The following MC2R variants were observed in gnomAD, a reference collection of about 807,000 sequenced individuals.
MC2R encodes the protein melanocortin 2 receptor, also known as adrenocorticotropic hormone receptor.
MC2R carries 9 observed loss-of-function variants against 9.8 expected under a neutral mutation model. That is an observed-to-expected ratio of 0.92 (90% CI 0.55 to 1.60). MC2R has a LOEUF of 1.60. Among genes scored for constraint, MC2R ranks in the 40% most tolerant of loss-of-function variants. The pLI is 0.00. For synonymous variants in MC2R, 185 were observed against 154.7 expected (o/e 1.20, Z -1.45); for missense variants, 370 against 389.0 (o/e 0.95, Z 0.41).
intron 1 of MC2R, among the ~76,000 whole-genome samples, chr18:13,894,408 G>T (rs756811248): frequency 1.3e-5 from 2 of 152,146 alleles, no homozygotes; most frequent in Non-Finnish European, 2.9e-5. Context: ...TCCAGAAGCA[G>T]CATCAAAGAG....
chr18:13,888,016 T>A (rs2045288277), intron 1 of MC2R, among the ~76,000 whole-genome samples: 1 of 152,212 alleles, frequency 6.6e-6, no homozygotes, highest in African/African-American at 2.4e-5. Context: ...GTATGGAGAC[T>A]CTGCTGGGAC....
chr18:13,885,062 CCGT>C lies in MC2R; in HGVS notation c.454_456del (p.Thr152del). The C allele has an allele frequency of 6.2e-7, 1 of 1,614,146 alleles. No individual in the cohort carries two copies. The highest frequency in any genetic ancestry group is 8.5e-7 in the Non-Finnish European group (1 of 1,180,028). ...GTCCCCGTGCAGAACGTCCAGATGA[CCGT>C]AAGCACCACCACAGTGCGGCGCATG... On this transcript the variant is annotated inframe_deletion, in exon 2 of 2. Transcript: ENST00000327606.
intron 1 of MC2R, among the ~76,000 whole-genome samples, chr18:13,889,702 A>G (rs371922517): frequency 2.5e-4 from 38 of 152,262 alleles, no homozygotes; most frequent in African/African-American, 9.1e-4. Context: ...AAAAATATAT[A>G]TAGTTTTTAT....
rs554641974 is a variant in MC2R, at chr18:13,911,404, C to T, written c.-129+4084G>A. Among the ~76,000 whole-genome samples the T allele has an allele frequency of 3.0e-4, 46 of 152,326 alleles. 3 individuals are homozygous for T. In the East Asian group the frequency reaches 8.7e-3, roughly 29 times the overall value. On this transcript the variant is annotated intron_variant, in intron 1 of 1. Transcript: ENST00000327606. ...CTCAAAATTTCCTCTTTTGAAAAAG[C>T]ATAAACTAGTTTATAACTGGTTTAG... is the stretch of plus-strand genomic sequence containing the variant.
rs2045249085 is a variant in MC2R, at chr18:13,883,616, C to CACACACACAG, written c.*1008_*1009insCTGTGTGTGT. On this transcript the variant is annotated 3_prime_UTR_variant, in exon 2 of 2. Coordinates refer to ENST00000327606, the MANE Select transcript of MC2R (RefSeq NM_000529.2). ...ACACACACACACACACACACACACA[C>CACACACACAG]ACACACACACACTCTCTCTCTCTCT... 2.5e-5 allele frequency: 2 copies of CACACACACAG among 78,470 alleles called. No individual in the cohort carries two copies. The highest frequency in any genetic ancestry group is 1.4e-4 in the Admixed American group (1 of 7,046). 4.9% of individuals were successfully genotyped at this position (78,470 alleles called of 1,614,324 possible).
At chr18:13,891,626 G>T (rs1233464766) in intron 1 of MC2R, among the ~76,000 whole-genome samples, 4 of 152,152 alleles carry the variant, frequency 2.6e-5, no homozygotes, top group Non-Finnish European at 5.9e-5. Flanking sequence ...ACACATCTGG[G>T]GACTGTTTCA....
At chr18:13,912,959 G>A (rs1472028539) in intron 1 of MC2R, among the ~76,000 whole-genome samples, 2 of 152,184 alleles carry the variant, frequency 1.3e-5, no homozygotes, top group South Asian at 2.1e-4. Flanking sequence ...ACAGGCAGAA[G>A]CATCTCTCGG....
Position 13,885,472 on chromosome 18 carries a change from C to A in MC2R, c.47G>T (p.Arg16Ile). The change falls in exon 2 of 2, where the codon AGA becomes ATA. Residue 16 changes from arginine (R) to isoleucine (I), a missense_variant. Coordinates refer to ENST00000327606, the MANE Select transcript of MC2R (RefSeq NM_000529.2). ...CACACGAGGACAGTCGGAATTATTT[C>A]TTGCTGTGTTGTTGATGTTTTCATA... ...NSYENINNTA[R>I]NNSDCPRVVL... 1 of 1,614,132 alleles carries A rather than the reference C, an allele frequency of 6.2e-7. No homozygotes were observed. The highest frequency in any genetic ancestry group is 1.1e-5 in the South Asian group (1 of 91,072).
At chr18:13,885,873 A>G (rs1388897388) in intron 1 of MC2R, among the ~76,000 whole-genome samples, 1 of 152,270 alleles carries the variant, frequency 6.6e-6, no homozygotes, top group African/African-American at 2.4e-5. Flanking sequence ...TGTGGTACAT[A>G]TACACAATGG....
intron 1 of MC2R, among the ~76,000 whole-genome samples, chr18:13,910,243 G>T (rs1364533221): frequency 5.3e-5 from 8 of 152,194 alleles, no homozygotes; most frequent in Non-Finnish European, 1.2e-4. Flanking sequence ...GTGTGGGCCT[G>T]TATTTGTGTG....
At chr18:13,906,497 T>C (rs1444041874) in intron 1 of MC2R, among the ~76,000 whole-genome samples, 1 of 152,144 alleles carries the variant, frequency 6.6e-6, no homozygotes, top group Admixed American at 6.6e-5. Flanking sequence ...CCATGGTACA[T>C]GTATACCTAT....
intron 1 of MC2R, among the ~76,000 whole-genome samples, chr18:13,913,441 ATGT>A (rs2045458288): frequency 6.6e-6 from 1 of 152,200 alleles, no homozygotes; most frequent in Non-Finnish European, 1.5e-5. Flanking sequence ...TAGTTTGCAC[ATGT>A]TGTTCTCCCA....
At chr18:13,910,403 T>C (rs1226176205) in intron 1 of MC2R, among the ~76,000 whole-genome samples, 1 of 152,192 alleles carries the variant, frequency 6.6e-6, no homozygotes, top group Non-Finnish European at 1.5e-5. Flanking sequence ...TTTTTCACTG[T>C]TTTGTTGGCT....
chr18:13,904,275 G>A (rs1256366683), intron 1 of MC2R, among the ~76,000 whole-genome samples: 48 of 151,118 alleles, frequency 3.2e-4, no homozygotes, highest in African/African-American at 7.5e-4. Flanking sequence ...CAGCTACTCC[G>A]GAGGCTGAGG....
Position 13,884,374 on chromosome 18 carries a change from C to T in MC2R, c.*251G>A, listed in dbSNP as rs180864767. ...AAACCTTAATTACTTTTGTACCTAC[C>T]TAATACTTTGTATTCTATCCTTCTT... On this transcript the variant is annotated 3_prime_UTR_variant, in exon 2 of 2. Coordinates refer to ENST00000327606, the MANE Select transcript of MC2R (RefSeq NM_000529.2). The T allele has an allele frequency of 1.4e-5, 8 of 562,530 alleles. No homozygotes were observed. The Admixed American group carries it at 2.4e-4, about 17-fold the overall frequency. 34.8% of individuals were successfully genotyped at this position (562,530 alleles called of 1,614,324 possible).
intron 1 of MC2R, among the ~76,000 whole-genome samples, chr18:13,907,345 A>G (rs995325299): frequency 5.9e-5 from 9 of 152,230 alleles, no homozygotes; most frequent in Non-Finnish European, 2.9e-5. Flanking sequence ...CTAGGCCTCT[A>G]TCTCTCACCA....
In MC2R at chr18:13,884,723, T is replaced by A; in HGVS notation, c.796A>T (p.Met266Leu). 1.2e-6 allele frequency: 2 copies of A among 1,614,092 alleles called. No homozygotes were observed. The highest frequency in any genetic ancestry group is 1.7e-6 in the Non-Finnish European group (2 of 1,180,012). ...SLFQVNGMLI[M>L]CNAVIDPFIY... ...AAGGGGTCAATGACGGCATTGCACA[T>A]GATCAACATGCCGTTCACCTGGAAG... The change falls in exon 2 of 2, where the codon ATG becomes TTG. Residue 266 changes from methionine (M) to leucine (L), a missense_variant. Met to Leu is a conservative substitution (Grantham distance 15, BLOSUM62 2). Coordinates refer to ENST00000327606, the MANE Select transcript of MC2R (RefSeq NM_000529.2).
chr18:13,891,985 A>G (rs1469209387), intron 1 of MC2R, among the ~76,000 whole-genome samples: 2 of 152,246 alleles, frequency 1.3e-5, no homozygotes, highest in Non-Finnish European at 2.9e-5. Flanking sequence ...GAGATAAAAA[A>G]TGGGAAACAG....
In MC2R at chr18:13,892,434, C is replaced by T. The variant is rs558278370; in HGVS notation, c.-128-6788G>A. Among the ~76,000 whole-genome samples the T allele has an allele frequency of 1.1e-4, 17 of 152,234 alleles. No individual in the cohort carries two copies. The East Asian group carries it at 2.9e-3, about 26-fold the overall frequency. ...CCTTGAGGGCCTACCCGTCCCTCCC[C>T]ACCGGCACCCATCCCTGTTCAGCAC... On this transcript the variant is annotated intron_variant, in intron 1 of 1. Transcript: ENST00000327606.
Sources: gnomAD v4.1 joint callset for allele counts (sites outside exome capture counted in the v4.1 genomes callset) on GRCh38, gnomAD v4.1.1 for gene constraint, MANE v1.5 for transcripts, NCBI Gene and HGNC (gene_info 2026-07-23, HGNC 2026-07-21) for gene names.